Variants in DIO2 observed in about 807,000 individuals in gnomAD.
DIO2 encodes the protein iodothyronine deiodinase 2.
A neutral mutation model predicts 21.4 loss-of-function variants in DIO2; 19 were observed. That is an observed-to-expected ratio of 0.89 (90% CI 0.62 to 1.30). DIO2 has a LOEUF of 1.30. DIO2 is among the 50% of genes most tolerant of loss of function. The pLI is 0.00. For synonymous variants in DIO2, 122 were observed against 132.9 expected (o/e 0.92, Z 0.57); for missense variants, 302 against 338.1 (o/e 0.89, Z 0.84).
upstream of DIO2, among the ~76,000 whole-genome samples, chr14:80,213,049 T>C (rs1456162952): frequency 6.6e-6 from 1 of 152,228 alleles, no homozygotes; most frequent in African/African-American, 2.4e-5. Context: ...CCTGATACTT[T>C]AAGGAATCTT....
In DIO2 at chr14:80,200,128, A is replaced by C. The variant is rs1887656002; in HGVS notation, c.*2561T>G. On this transcript the variant is annotated 3_prime_UTR_variant, in exon 2 of 2. Coordinates refer to ENST00000438257, the MANE Select transcript of DIO2 (RefSeq NM_013989.5). ...CATAATTACAGGCTTAACCCTGATA[A>C]CACCAAGACATTCTACATAGCGTAG... 1 of 152,644 alleles carries C rather than the reference A, an allele frequency of 6.6e-6. No individual in the cohort carries two copies. Among genetic ancestry groups the C allele is most frequent in the Non-Finnish European group, 1.5e-5 (1 of 68,036 alleles). 9.5% of individuals were successfully genotyped at this position (152,644 alleles called of 1,614,324 possible).
intron 1 of DIO2, among the ~76,000 whole-genome samples, chr14:80,206,630 T>C (rs2140002011): frequency 6.6e-6 from 1 of 152,200 alleles, no homozygotes; most frequent in South Asian, 2.1e-4. Flanking sequence ...GAAAATAAAG[T>C]TGGTCCCATA....
chr14:80,227,752 C>T (rs2140024605), intron 2 of DIO2, among the ~76,000 whole-genome samples: 1 of 152,290 alleles, frequency 6.6e-6, no homozygotes, highest in African/African-American at 2.4e-5. Flanking sequence ...TTTTGCAGAA[C>T]CTTCTCCGGT....
chr14:80,208,588 C>T (rs952191262), intron 1 of DIO2, among the ~76,000 whole-genome samples: 2 of 152,176 alleles, frequency 1.3e-5, no homozygotes, highest in African/African-American at 4.8e-5. Flanking sequence ...TGGAAAACTT[C>T]ACTTCTGGGG....
chr14:80,220,643 T>G (rs1317200945), intron 2 of DIO2, among the ~76,000 whole-genome samples: 1 of 152,224 alleles, frequency 6.6e-6, no homozygotes, highest in Non-Finnish European at 1.5e-5. Flanking sequence ...CTAATATTAA[T>G]GCTGCTTGTT....
In DIO2 at chr14:80,211,325, C is replaced by A; in HGVS notation, c.148G>T (p.Glu50Ter). 6.2e-7 allele frequency: 1 copy of A among 1,613,798 alleles called. No individual in the cohort carries two copies. The highest frequency in any genetic ancestry group is 8.5e-7 in the Non-Finnish European group (1 of 1,179,888). ...TCTGAGGTCAGCATGCGCCGCCACT[C>A]TCCGCGAGTGGACTTGGAGCGGCTC... Reference protein sequence around the residue: ...LLSRSKSTRGEWRRMLTSEGL... With the variant: ...LLSRSKSTRG Residue 50 changes from glutamate (E) to a stop codon, truncating the protein, a stop_gained, in exon 1 of 2, where the codon GAG (glutamate) becomes TAG (stop). Coordinates refer to ENST00000438257, the MANE Select transcript of DIO2 (RefSeq NM_013989.5). LOFTEE classifies it high-confidence loss of function.
intron 2 of DIO2, among the ~76,000 whole-genome samples, chr14:80,227,536 G>A (rs1888600987): frequency 6.6e-6 from 1 of 152,220 alleles, no homozygotes; most frequent in Admixed American, 6.5e-5. Context: ...CAGGCAAAGA[G>A]CTGTCTCTCA....
At chr14:80,226,124 A>G (rs1435742929) in intron 2 of DIO2, among the ~76,000 whole-genome samples, 2 of 152,152 alleles carry the variant, frequency 1.3e-5, no homozygotes, top group Admixed American at 1.3e-4. Flanking sequence ...CGGCCATGTG[A>G]GAAAGAGTAC....
Position 80,200,310 on chromosome 14 carries a change from G to A in DIO2, c.*2379C>T, listed in dbSNP as rs750446686. The A allele has an allele frequency of 2.6e-5, 4 of 152,524 alleles. No individual in the cohort carries two copies. The highest frequency in any genetic ancestry group is 5.9e-5 in the Non-Finnish European group (4 of 68,028). The allele number at this position is 152,524 out of a possible 1,614,324, so 9.4% of individuals were successfully genotyped here. A position where few individuals can be genotyped will look rare whatever the true frequency, so the allele number is the denominator to read the frequency against. On this transcript the variant is annotated 3_prime_UTR_variant, in exon 2 of 2. Coordinates refer to ENST00000438257, the MANE Select transcript of DIO2 (RefSeq NM_013989.5). ...TCATTTCTCCATTGGGCTAACCTCA[G>A]GGAGAATTGTCTGCACACATAAACG...
intron 2 of DIO2, among the ~76,000 whole-genome samples, chr14:80,226,527 G>T (rs145862415): frequency 6.6e-6 from 1 of 152,322 alleles, no homozygotes; most frequent in Non-Finnish European, 1.5e-5. Context: ...TGATGGAAGA[G>T]GTCCAATATA....
At chr14:80,203,853 A>G (rs2139998003) in intron 1 of DIO2, among the ~76,000 whole-genome samples, 1 of 152,338 alleles carries the variant, frequency 6.6e-6, no homozygotes, top group South Asian at 2.1e-4. Context: ...CCTGAGGTCT[A>G]CCACTTATAA....
chr14:80,204,584 A>G (rs1286953467), intron 1 of DIO2, among the ~76,000 whole-genome samples: 1 of 152,242 alleles, frequency 6.6e-6, no homozygotes, highest in Non-Finnish European at 1.5e-5. Context: ...CAAAGCCAAT[A>G]ACATTAGGGA....
In DIO2 at chr14:80,230,222, A is replaced by T. The variant is rs188524521; in HGVS notation, c.-277-13485T>A. The stretch of plus-strand genomic sequence containing the variant: ...TTACAAACTCAGCGTCCCCAGCTTC[A>T]TCAGGGTCCTCCAACACATCCCCAT... On this transcript the variant is annotated intron_variant, in intron 2 of 4. Transcript: ENST00000553594. Among the ~76,000 whole-genome samples, 19 of 152,300 alleles carry T rather than the reference A, an allele frequency of 1.2e-4. No homozygotes were observed. In the South Asian group the frequency reaches 3.9e-3, roughly 32 times the overall value.
chr14:80,205,371 G>A (rs1388340775), intron 1 of DIO2, among the ~76,000 whole-genome samples: 6 of 152,026 alleles, frequency 3.9e-5, no homozygotes, highest in African/African-American at 1.4e-4. Flanking sequence ...TCCGTTGTAG[G>A]GACTTCCTGT....
chr14:80,202,412 T>A lies in DIO2; in HGVS notation c.*277A>T, dbSNP rs780435147. ...GTATCAGTTCCTTCTCAATGCAGAATGAACACATGCTGAATTAGCGTTTCT... is the reference window on the plus strand; with the variant it reads ...GTATCAGTTCCTTCTCAATGCAGAAAGAACACATGCTGAATTAGCGTTTCT... On this transcript the variant is annotated 3_prime_UTR_variant, in exon 2 of 2. Coordinates refer to ENST00000438257, the MANE Select transcript of DIO2 (RefSeq NM_013989.5). 3.0e-6 allele frequency: 2 copies of A among 670,762 alleles called. No homozygotes were observed. Among genetic ancestry groups the A allele is most frequent in the South Asian group, 1.4e-5 (1 of 72,852 alleles). The allele number at this position is 670,762 out of a possible 1,614,324, so 41.6% of individuals were successfully genotyped here.
chr14:80,221,025 CTT>C (rs1888454027), intron 2 of DIO2, among the ~76,000 whole-genome samples: 2 of 152,076 alleles, frequency 1.3e-5, no homozygotes, highest in Non-Finnish European at 2.9e-5. Context: ...TTTAAAAAAA[CTT>C]TTTATCATGG....
rs2139991185 is a variant in DIO2, at chr14:80,199,879, A to G, written c.*2810T>C. ...ATCATAGATTTATACTATGATATAT[A>G]AATAGATACACATTTCCCTGTGGGA... On this transcript the variant is annotated 3_prime_UTR_variant, in exon 2 of 2. Coordinates refer to ENST00000438257, the MANE Select transcript of DIO2 (RefSeq NM_013989.5). The G allele has an allele frequency of 6.5e-6, 1 of 152,738 alleles. No homozygotes were observed. Among genetic ancestry groups the G allele is most frequent in the East Asian group, 1.9e-4 (1 of 5,184 alleles). The allele number at this position is 152,738 out of a possible 1,614,324, so 9.5% of individuals were successfully genotyped here.
At chr14:80,212,075 G>C (rs1013311673), upstream of DIO2, 1 of 144,134 alleles carries the variant, frequency 6.9e-6, no homozygotes, top group Non-Finnish European at 1.5e-5. Flanking sequence ...CTTTCTCCCA[G>C]TCTCACTCTC....
chr14:80,222,418 T>C (rs1427920305), intron 2 of DIO2, among the ~76,000 whole-genome samples: 1 of 152,220 alleles, frequency 6.6e-6, no homozygotes, highest in Admixed American at 6.5e-5. Flanking sequence ...CAATCTGCAT[T>C]TTTCATTGTT....
Sources: gnomAD v4.1 joint callset for allele counts (sites outside exome capture counted in the v4.1 genomes callset) on GRCh38, gnomAD v4.1.1 for gene constraint, MANE v1.5 for transcripts, NCBI Gene and HGNC (gene_info 2026-07-23, HGNC 2026-07-21) for gene names.